The following CLCA2 variants were observed in gnomAD, a reference collection of about 807,000 sequenced individuals.
CLCA2 encodes the protein chloride channel accessory 2, also known as calcium-activated chloride channel regulator 2.
In CLCA2, 85 loss-of-function variants were observed where a neutral mutation model predicts 82.9. The observed-to-expected ratio is 1.03, with a 90% confidence interval of 0.86 to 1.23. The LOEUF (loss-of-function observed/expected upper bound fraction) is 1.23, where lower values mean the gene tolerates loss of function less well. Among genes scored for constraint, CLCA2 ranks in the 50% most tolerant of loss-of-function variants. The pLI is 0.00. For missense variants in CLCA2, 1,089 were observed against 1,124.8 expected (o/e 0.97, Z 0.45); for synonymous variants, 421 against 391.7 (o/e 1.07, Z -0.88).
Position 86,438,804 on chromosome 1 carries a change from T to G in CLCA2, c.973-72T>G, listed in dbSNP as rs915392126. On this transcript the variant is annotated intron_variant, in intron 6 of 13. Transcript: ENST00000370565. The stretch of plus-strand genomic sequence containing the variant: ...AAGAATTAGCAGAGATGTTTGCTAA[T>G]TGAGTTACTTCATCATACTTTTGTC... 2.4e-6 allele frequency: 3 copies of G among 1,242,480 alleles called. No homozygotes were observed. In the African/African-American group the frequency reaches 4.5e-5, roughly 19 times the overall value. 77.0% of individuals were successfully genotyped at this position (1,242,480 alleles called of 1,614,324 possible).
At position 86,455,109 on chromosome 1, in the gene CLCA2, G is replaced by T; in HGVS notation, c.2414G>T (p.Ser805Ile). The stretch of plus-strand genomic sequence containing the variant: ...GCTACAAGCTATGAAATAAGAATGA[G>T]TAAAAGTCTACAGAATATCCAAGAT... The part of the protein sequence containing the change: ...GQATSYEIRM[S>I]KSLQNIQDDF... Residue 805 changes from serine to isoleucine, a missense_variant, in exon 14 of 14, where the codon AGT becomes ATT. Physicochemically the swap from Ser to Ile is moderately radical, Grantham distance 142 (BLOSUM62 -2). Coordinates refer to ENST00000370565, the MANE Select transcript of CLCA2 (RefSeq NM_006536.7). 1 of 1,573,230 alleles carries T rather than the reference G, an allele frequency of 6.4e-7. No individual in the cohort carries two copies. The highest frequency in any genetic ancestry group is 8.6e-7 in the Non-Finnish European group (1 of 1,157,570).
chr1:86,429,325 C>A (rs1255924916), intron 3 of CLCA2, among the ~76,000 whole-genome samples: 1 of 151,998 alleles, frequency 6.6e-6, no homozygotes, highest in Non-Finnish European at 1.5e-5. Flanking sequence ...CAACTCTAAG[C>A]GATGAGAAAT....
At chr1:86,431,524 A>G (rs1291457065) in intron 4 of CLCA2, among the ~76,000 whole-genome samples, 2 of 152,164 alleles carry the variant, frequency 1.3e-5, no homozygotes, top group Non-Finnish European at 2.9e-5. Context: ...AATTCTTCCA[A>G]CAATTACTGA....
intron 11 of CLCA2, chr1:86,448,080 T>A: frequency 2.7e-6 from 1 of 363,678 alleles, no homozygotes; most frequent in East Asian, 5.4e-5. Flanking sequence ...GGCTTCTATG[T>A]CCTTATGACA....
chr1:86,448,219 C>T, intron 11 of CLCA2: 1 of 163,686 alleles, frequency 6.1e-6, no homozygotes, highest in South Asian at 1.7e-4. Flanking sequence ...CCTTTGGACC[C>T]CAGTTATGAA....
At chr1:86,447,993 A>C in intron 11 of CLCA2, 1 of 580,064 alleles carries the variant, frequency 1.7e-6, no homozygotes, top group East Asian at 3.1e-5. Flanking sequence ...CATAGTGTCT[A>C]TGTTTGAGCA....
Position 86,447,632 on chromosome 1 carries a change from G to A in CLCA2, c.1838G>A (p.Arg613Lys). The change falls in exon 11 of 14, where the codon AGA becomes AAA. Residue 613 changes from arginine to lysine, a missense_variant. Arg to Lys is a conservative substitution (Grantham distance 26). Transcript: ENST00000370565. The part of the protein sequence containing the change: ...PPATVEAFVE[R>K]DSLHFPHPVM... ...GCCACTGTGGAAGCCTTTGTGGAAA[G>A]AGACAGCCTCCATTTTCCTCATCCT... 1 of 1,614,136 alleles carries A rather than the reference G, an allele frequency of 6.2e-7. No individual in the cohort carries two copies. Among genetic ancestry groups the A allele is most frequent in the Non-Finnish European group, 8.5e-7 (1 of 1,180,014 alleles).
rs973131138 is a variant in CLCA2 at position 86,456,106 on chromosome 1, A to G, written c.*579A>G. ...AGAGGTAACCTTTAACAATATGGGTATTACCTTTGTCTCTTCATACCGGTT... is the reference window on the plus strand; with the variant it reads ...AGAGGTAACCTTTAACAATATGGGTGTTACCTTTGTCTCTTCATACCGGTT... On this transcript the variant is annotated 3_prime_UTR_variant, in exon 14 of 14. Transcript: ENST00000370565. 3.3e-5 allele frequency: 5 copies of G among 152,160 alleles called. No homozygotes were observed. The highest frequency in any genetic ancestry group is 6.5e-5 in the Admixed American group (1 of 15,274). The allele number at this position is 152,160 out of a possible 1,614,324, so 9.4% of individuals were successfully genotyped here. A position where few individuals can be genotyped will look rare whatever the true frequency, so the allele number is the denominator to read the frequency against.
In CLCA2 at chr1:86,440,360, T is replaced by C. The variant is rs768165966; in HGVS notation, c.1381+35T>C. 5 of 1,583,614 alleles carry C rather than the reference T, an allele frequency of 3.2e-6. No individual in the cohort carries two copies. The South Asian group carries it at 4.6e-5, about 14-fold the overall frequency. ...TTTTAAAAACTTATCTTTTGGAGCA[T>C]GTCCCTTTAACTTGACTATCCAAGA... On this transcript the variant is annotated intron_variant, in intron 8 of 13. Coordinates refer to ENST00000370565, the MANE Select transcript of CLCA2 (RefSeq NM_006536.7).
intron 11 of CLCA2, among the ~76,000 whole-genome samples, chr1:86,449,193 T>C (rs918940255): frequency 2.0e-5 from 3 of 152,214 alleles, no homozygotes; most frequent in Non-Finnish European, 4.4e-5. Context: ...AACTTATACC[T>C]CTGAAATGAT....
intron 12 of CLCA2, among the ~76,000 whole-genome samples, chr1:86,452,493 T>G (rs374223966): frequency 3.3e-5 from 5 of 152,156 alleles, no homozygotes; most frequent in African/African-American, 1.2e-4. Flanking sequence ...CATTAAAATC[T>G]AAAATCACTT....
chr1:86,454,888 CAA>C (rs71078660), intron 13 of CLCA2, among the ~76,000 whole-genome samples, 195 bp from the exon 14 acceptor site: 41 of 141,950 alleles, frequency 2.9e-4, no homozygotes, highest in African/African-American at 4.4e-4. Flanking sequence ...TCTTGCTTTT[CAA>C]AAAAAAAAAA....
At chr1:86,441,573 G>A (rs1662738184) in intron 9 of CLCA2, 30 bp downstream of exon 9, 1 of 1,426,178 alleles carries the variant, frequency 7.0e-7, no homozygotes, top group Non-Finnish European at 9.9e-7. Context: ...TATATTTCCA[G>A]GTGGGGAGTG....
intron 11 of CLCA2, among the ~76,000 whole-genome samples, chr1:86,448,702 A>T (rs1436587318): frequency 6.6e-6 from 1 of 152,222 alleles, no homozygotes; most frequent in East Asian, 1.9e-4. Flanking sequence ...CATGGCAATC[A>T]TGTATGATGT....
chr1:86,452,329 C>T (rs964511946), intron 12 of CLCA2, among the ~76,000 whole-genome samples: 1 of 152,056 alleles, frequency 6.6e-6, no homozygotes, highest in African/African-American at 2.4e-5. Flanking sequence ...TCTCCCATCC[C>T]AAGCTGCTAT....
intron 5 of CLCA2, 99 bp from the exon 6 acceptor site, chr1:86,434,419 C>T: frequency 1.1e-6 from 1 of 916,246 alleles, no homozygotes; most frequent in South Asian, 1.7e-5. Flanking sequence ...TCTTTTCTTT[C>T]AGTTCACCTT....
chr1:86,438,394 T>C (rs756723526), intron 6 of CLCA2, among the ~76,000 whole-genome samples: 10 of 152,194 alleles, frequency 6.6e-5, no homozygotes, highest in Non-Finnish European at 1.5e-4. Flanking sequence ...GCTATCATCC[T>C]CACTCTACAG....
rs548308822 is a variant in CLCA2 at position 86,425,335 on chromosome 1, G to C, written c.187-4G>C. The C allele has an allele frequency of 6.5e-6, 10 of 1,549,720 alleles. No individual in the cohort carries two copies. The East Asian group carries it at 2.1e-4, about 32-fold the overall frequency. On this transcript the variant is annotated splice_polypyrimidine_tract_variant and splice_region_variant and intron_variant, in intron 1 of 13. Coordinates refer to ENST00000370565, the MANE Select transcript of CLCA2 (RefSeq NM_006536.7). ...AAGTAAGTTTTTCTTTTGTCTGGCT[G>C]TAGGAAATGATAACTGAAGCTTCAT...
chr1:86,444,025 G>A lies in CLCA2; in HGVS notation c.1713+14G>A, dbSNP rs368390621. 1 of 1,546,106 alleles carries A rather than the reference G, an allele frequency of 6.5e-7. No homozygotes were observed. Among genetic ancestry groups the A allele is most frequent in the Non-Finnish European group, 8.9e-7 (1 of 1,119,068 alleles). ...GGAACAGCTAAGGTAGGTGTTGTGA[G>A]TTTGTTCCTAAGGACAACGTTCAAC... On this transcript the variant is annotated intron_variant, in intron 10 of 13. Coordinates refer to ENST00000370565, the MANE Select transcript of CLCA2 (RefSeq NM_006536.7).
Sources: gnomAD v4.1 joint callset for allele counts (sites outside exome capture counted in the v4.1 genomes callset) on GRCh38, gnomAD v4.1.1 for gene constraint, MANE v1.5 for transcripts, NCBI Gene and HGNC (gene_info 2026-07-23, HGNC 2026-07-21) for gene names.